Variants in PRDM5 observed in about 807,000 individuals in gnomAD.
PRDM5 encodes the protein PR domain zinc finger protein 5.
PRDM5 carries 56 observed loss-of-function variants against 81.2 expected under a neutral mutation model. The observed-to-expected ratio is 0.69, with a 90% CI of 0.56 to 0.86. The LOEUF is 0.86. PRDM5 is among the 40% of genes least tolerant of loss of function. The pLI is 0.00. For synonymous variants in PRDM5, 267 were observed against 256.4 expected, an observed-to-expected ratio of 1.04 and a Z score of -0.39; for missense variants, 697 against 770.1, an observed-to-expected ratio of 0.91 and a Z score of 1.12.
chr4:120,844,287 C>T (rs547591759), intron 3 of PRDM5, among the ~76,000 whole-genome samples: 1 of 152,266 alleles, frequency 6.6e-6, no homozygotes, highest in East Asian at 1.9e-4. Context: ...CTTACTATAT[C>T]AGCACTTACA....
intron 11 of PRDM5, among the ~76,000 whole-genome samples, chr4:120,782,180 C>T (rs990073522): frequency 4.6e-5 from 7 of 152,026 alleles, no homozygotes; most frequent in Non-Finnish European, 8.8e-5. Context: ...AATAACAATA[C>T]GGTATAAAAT....
intron 14 of PRDM5, among the ~76,000 whole-genome samples, chr4:120,745,233 C>G (rs1392354138): frequency 0.029 from 3,577 of 123,424 alleles, 176 homozygotes; most frequent in African/African-American, 0.1. Flanking sequence ...ATTCAACAAC[C>G]CTTCATGCTA....
At chr4:120,747,292 G>A (rs1743258755) in intron 14 of PRDM5, among the ~76,000 whole-genome samples, 1 of 109,288 alleles carries the variant, frequency 9.2e-6, no homozygotes, top group African/African-American at 3.5e-5. Flanking sequence ...TGTGGGGTGG[G>A]GGGAGGGGGG....
At chr4:120,731,479 A>G (rs912044584) in intron 14 of PRDM5, 1 of 152,116 alleles carries the variant, frequency 6.6e-6, no homozygotes, top group Non-Finnish European at 1.5e-5. Context: ...TAGAAAAAGA[A>G]TGGTATAATT....
chr4:120,727,852 C>T (rs1184665759), intron 14 of PRDM5, among the ~76,000 whole-genome samples: 2 of 151,674 alleles, frequency 1.3e-5, no homozygotes, highest in Non-Finnish European at 2.9e-5. Context: ...AGGGGAATCG[C>T]TTGAACCCGG....
chr4:120,765,711 T>C (rs1173794271), intron 13 of PRDM5, among the ~76,000 whole-genome samples: 1 of 152,192 alleles, frequency 6.6e-6, no homozygotes, highest in Admixed American at 6.5e-5. Flanking sequence ...CTACATTCTA[T>C]AGATGATCTA....
At chr4:120,793,189 G>T (rs1211368616) in intron 10 of PRDM5, among the ~76,000 whole-genome samples, 1 of 152,128 alleles carries the variant, frequency 6.6e-6, no homozygotes, top group Non-Finnish European at 1.5e-5. Context: ...CCTCCTGTGA[G>T]ATCAGTGGCG....
intron 2 of PRDM5, among the ~76,000 whole-genome samples, chr4:120,906,650 G>C (rs924257308): frequency 2.0e-5 from 3 of 152,062 alleles, no homozygotes; most frequent in Non-Finnish European, 4.4e-5. Context: ...TTCTCATAAC[G>C]TGCAGACATA....
intron 14 of PRDM5, among the ~76,000 whole-genome samples, chr4:120,722,552 G>T (rs1465692147): frequency 6.6e-6 from 1 of 152,050 alleles, no homozygotes; most frequent in Non-Finnish European, 1.5e-5. Context: ...CACCCGAAGA[G>T]CTTCAAAAAA....
intron 2 of PRDM5, among the ~76,000 whole-genome samples, chr4:120,887,714 A>G (rs1476829795): frequency 6.6e-6 from 1 of 151,462 alleles, no homozygotes; most frequent in Non-Finnish European, 1.5e-5. Context: ...TGGCCGCTAC[A>G]CTTATTATTT....
intron 1 of PRDM5, among the ~76,000 whole-genome samples, chr4:120,916,490 C>G (rs1007623491): frequency 2.0e-5 from 3 of 152,006 alleles, no homozygotes; most frequent in African/African-American, 7.3e-5. Context: ...TTTAATTGCT[C>G]TAAAAGATCA....
intron 15 of PRDM5, among the ~76,000 whole-genome samples, chr4:120,706,143 G>A (rs571136449): frequency 9.3e-5 from 14 of 151,116 alleles, no homozygotes; most frequent in East Asian, 7.8e-4. Flanking sequence ...CCAAGATGGC[G>A]TGCAGTGGCA....
intron 5 of PRDM5, 200 bp downstream of exon 5, chr4:120,818,153 T>A (rs1268599025): frequency 1.8e-6 from 1 of 559,682 alleles, no homozygotes; most frequent in African/African-American, 1.9e-5. Context: ...ATTTGAATAT[T>A]TTAATAATCA....
chr4:120,734,400 A>G (rs1740756754), intron 14 of PRDM5, among the ~76,000 whole-genome samples: 1 of 145,102 alleles, frequency 6.9e-6, no homozygotes, highest in African/African-American at 2.7e-5. Context: ...GAACACACAC[A>G]CACACACACA....
At chr4:120,757,882 TCTC>T (rs1446346257) in intron 13 of PRDM5, among the ~76,000 whole-genome samples, 6 of 137,848 alleles carry the variant, frequency 4.4e-5, no homozygotes, top group Admixed American at 3.7e-4. Flanking sequence ...TCTCTTCTCT[TCTC>T]CTTCTTCTTC....
chr4:120,764,780 CTA>C (rs1183718369), intron 13 of PRDM5, among the ~76,000 whole-genome samples: 1 of 152,116 alleles, frequency 6.6e-6, no homozygotes, highest in Non-Finnish European at 1.5e-5. Context: ...TCATTTATTT[CTA>C]TGTCAATTCT....
At chr4:120,774,260 C>A in intron 13 of PRDM5, among the ~76,000 whole-genome samples, 1 of 152,154 alleles carries the variant, frequency 6.6e-6, no homozygotes, top group East Asian at 1.9e-4. Flanking sequence ...TCATTGTGTC[C>A]TCCCTAAATA....
chr4:120,811,793 G>A (rs1242924032), intron 7 of PRDM5, among the ~76,000 whole-genome samples: 1 of 151,984 alleles, frequency 6.6e-6, no homozygotes, highest in Non-Finnish European at 1.5e-5. Flanking sequence ...TACATGTGAT[G>A]TTTCAATATA....
At chr4:120,730,047 T>C (rs1287028847) in intron 14 of PRDM5, among the ~76,000 whole-genome samples, 2 of 152,212 alleles carry the variant, frequency 1.3e-5, no homozygotes, top group East Asian at 3.8e-4. Flanking sequence ...ATACGGAACA[T>C]AATACTTTAG....
Sources: allele counts gnomAD v4.1 joint callset (sites outside exome capture counted in the v4.1 genomes callset), GRCh38; gene constraint gnomAD v4.1.1; transcripts MANE v1.5; gene names NCBI Gene and HGNC (gene_info 2026-07-23, HGNC 2026-07-21).